Variants in PKNOX2 observed in about 807,000 individuals in gnomAD.
The protein encoded by PKNOX2 is homeobox protein PKNOX2.
PKNOX2 carries 14 observed loss-of-function variants against 53.1 expected under a neutral mutation model. The observed-to-expected ratio is 0.26, with a 90% CI of 0.17 to 0.41. The LOEUF (loss-of-function observed/expected upper bound fraction) is 0.41, where lower values mean the gene tolerates loss of function less well. PKNOX2 is among the 10% of genes least tolerant of loss of function. The pLI is 1.00. For missense variants in PKNOX2, 496 were observed against 602.8 expected, an observed-to-expected ratio of 0.82 and a Z score of 1.85; for synonymous variants, 257 against 242.8, an observed-to-expected ratio of 1.06 and a Z score of -0.54.
rs548809977 is a variant in PKNOX2 at position 125,170,792 on chromosome 11, T to C, written c.-201+6016T>C. On this transcript the variant is annotated intron_variant, in intron 1 of 12. Transcript: ENST00000298282. ...AAGTCTCCACCAAACAGCTTCGTTC[T>C]TGTATTATTTTTGGCTGGAATGTGG... Among the ~76,000 whole-genome samples, 5 of 152,316 alleles carry C rather than the reference T, an allele frequency of 3.3e-5. No individual in the cohort carries two copies. The South Asian group carries it at 1.0e-3, about 32-fold the overall frequency.
At position 125,355,592 on chromosome 11, in the gene PKNOX2, G is replaced by A. The variant is rs186908018; in HGVS notation, c.87+4200G>A. Among the ~76,000 whole-genome samples, 51 of 152,276 alleles carry A rather than the reference G, an allele frequency of 3.3e-4. No individual in the cohort carries two copies. The East Asian group carries it at 6.9e-3, about 21-fold the overall frequency. On this transcript the variant is annotated intron_variant, in intron 4 of 12. Coordinates refer to ENST00000298282, the MANE Select transcript of PKNOX2 (RefSeq NM_001382323.2). ...AGGTGTGTGAGCCTCAGTTCAGTGC[G>A]TTGTGTTGATTCCAACATCACCCCA...
At chr11:125,310,187 C>G (rs1948717289) in intron 2 of PKNOX2, among the ~76,000 whole-genome samples, 1 of 152,040 alleles carries the variant, frequency 6.6e-6, no homozygotes, top group South Asian at 2.1e-4. Context: ...TTGGTCATCT[C>G]TTCTTTCTTT....
intron 1 of PKNOX2, among the ~76,000 whole-genome samples, chr11:125,171,391 G>A (rs1462819768): frequency 1.3e-5 from 2 of 152,206 alleles, no homozygotes; most frequent in African/African-American, 4.8e-5. Flanking sequence ...TGGTGGGGGC[G>A]GTGTTGAGTA....
At chr11:125,276,674 G>C (rs1428928452) in intron 2 of PKNOX2, among the ~76,000 whole-genome samples, 1 of 152,162 alleles carries the variant, frequency 6.6e-6, no homozygotes, top group African/African-American at 2.4e-5. Context: ...GTGGGGTGGG[G>C]AGGGAGTGTT....
At chr11:125,328,169 C>A (rs1257781540) in intron 2 of PKNOX2, among the ~76,000 whole-genome samples, 1 of 152,208 alleles carries the variant, frequency 6.6e-6, no homozygotes, top group East Asian at 1.9e-4. Context: ...GCTTCCTCCC[C>A]TCCCCAGCCC....
At chr11:125,173,961 G>A (rs1056537489) in intron 1 of PKNOX2, among the ~76,000 whole-genome samples, 1 of 152,186 alleles carries the variant, frequency 6.6e-6, no homozygotes, top group African/African-American at 2.4e-5. Flanking sequence ...GTCTGTGCTG[G>A]AGTAGTGGCA....
chr11:125,236,818 G>A (rs1490871528), intron 2 of PKNOX2, among the ~76,000 whole-genome samples: 1 of 152,222 alleles, frequency 6.6e-6, no homozygotes, highest in Non-Finnish European at 1.5e-5. Flanking sequence ...GCCCAGTTGA[G>A]GAGGGAAGGG....
intron 4 of PKNOX2, among the ~76,000 whole-genome samples, chr11:125,361,327 T>C (rs898568257): frequency 6.6e-6 from 1 of 152,190 alleles, no homozygotes; most frequent in Non-Finnish European, 1.5e-5. Flanking sequence ...GGCCTGGTTC[T>C]GGATGCTCTG....
At chr11:125,167,514 G>A (rs1954979544) in intron 1 of PKNOX2, among the ~76,000 whole-genome samples, 1 of 152,174 alleles carries the variant, frequency 6.6e-6, no homozygotes, top group East Asian at 1.9e-4. Flanking sequence ...CTTTGTGAGC[G>A]GGAAAGGCTT....
intron 10 of PKNOX2, among the ~76,000 whole-genome samples, chr11:125,426,169 C>T (rs996649390): frequency 5.9e-5 from 9 of 152,286 alleles, no homozygotes; most frequent in Admixed American, 3.9e-4. Flanking sequence ...CTCTGGAGGC[C>T]GTTAATAGTG....
chr11:125,211,301 A>C (rs1276721186), intron 1 of PKNOX2, among the ~76,000 whole-genome samples: 1 of 152,118 alleles, frequency 6.6e-6, no homozygotes, highest in Admixed American at 6.5e-5. Flanking sequence ...AAGAGAGAGA[A>C]GGATGTATTT....
chr11:125,226,072 A>G (rs1941658504), intron 1 of PKNOX2, among the ~76,000 whole-genome samples: 1 of 152,246 alleles, frequency 6.6e-6, no homozygotes, highest in South Asian at 2.1e-4. Flanking sequence ...CTGTGAACCA[A>G]CAACAGCAAT....
At chr11:125,381,779 G>A (rs138249427) in intron 5 of PKNOX2, among the ~76,000 whole-genome samples, 94 of 152,270 alleles carry the variant, frequency 6.2e-4, no homozygotes, top group Non-Finnish European at 1.0e-3. Flanking sequence ...GCTACATCTT[G>A]TTCCAGAAAC....
intron 4 of PKNOX2, among the ~76,000 whole-genome samples, chr11:125,358,112 C>T (rs896455643): frequency 2.6e-5 from 4 of 152,196 alleles, no homozygotes; most frequent in Non-Finnish European, 5.9e-5. Context: ...AGCCCCTTTT[C>T]ACCCTCACCC....
intron 1 of PKNOX2, among the ~76,000 whole-genome samples, chr11:125,205,555 C>T (rs1432712299): frequency 6.6e-6 from 1 of 152,182 alleles, no homozygotes; most frequent in African/African-American, 2.4e-5. Context: ...CATCAGGTGA[C>T]TCTCTTGCTA....
chr11:125,198,396 G>A (rs115443308), intron 1 of PKNOX2, among the ~76,000 whole-genome samples: 2,920 of 152,300 alleles, frequency 0.019, 86 homozygotes, highest in African/African-American at 0.065. Context: ...AGTTTCAGCC[G>A]CGGATCCCCT....
At chr11:125,222,656 CTGT>C (rs1439061139) in intron 1 of PKNOX2, among the ~76,000 whole-genome samples, 12 of 128,230 alleles carry the variant, frequency 9.4e-5, no homozygotes, top group South Asian at 2.4e-4. Context: ...TATGTGTGTG[CTGT>C]GTATGTGTGT....
intron 2 of PKNOX2, among the ~76,000 whole-genome samples, chr11:125,242,873 C>G (rs1343766115): frequency 6.6e-6 from 1 of 152,132 alleles, no homozygotes; most frequent in Non-Finnish European, 1.5e-5. Flanking sequence ...TCTAGGTACA[C>G]AGTAGGTGCT....
intron 2 of PKNOX2, among the ~76,000 whole-genome samples, chr11:125,263,695 G>A (rs117192254): frequency 1.3e-5 from 2 of 152,344 alleles, no homozygotes; most frequent in Non-Finnish European, 2.9e-5. Flanking sequence ...TCCGGTCTTC[G>A]CACGGAGGGC....
Sources: gnomAD v4.1 joint callset for allele counts (sites outside exome capture counted in the v4.1 genomes callset) on GRCh38, gnomAD v4.1.1 for gene constraint, MANE v1.5 for transcripts, NCBI Gene and HGNC (gene_info 2026-07-23, HGNC 2026-07-21) for gene names.